Variants in HEMK2 observed in about 807,000 individuals in gnomAD.
HEMK2 encodes the protein methyltransferase HEMK2.
At chr21:28,599,570 AG>A in the HEMK2 span, among the ~76,000 whole-genome samples, 1 of 152,160 alleles carries the variant, frequency 6.6e-6, no homozygotes, top group African/African-American at 2.4e-5. Context: ...GGGGACTCAG[AG>A]CCAAACCATT....
At chr21:28,760,955 G>T in the HEMK2 span, among the ~76,000 whole-genome samples, 1 of 152,026 alleles carries the variant, frequency 6.6e-6, no homozygotes, top group East Asian at 1.9e-4. Context: ...TTTTGTCATA[G>T]ATCTATTCAT....
chr21:28,595,998 G>A, the HEMK2 span, among the ~76,000 whole-genome samples: 4 of 151,096 alleles, frequency 2.6e-5, no homozygotes, highest in South Asian at 2.1e-4. Flanking sequence ...GTTAGCCAAG[G>A]TGGTCTCGAT....
chr21:28,799,918 A>G, the HEMK2 span, among the ~76,000 whole-genome samples: 1 of 152,122 alleles, frequency 6.6e-6, no homozygotes, highest in Non-Finnish European at 1.5e-5. Context: ...TGATGAGAGG[A>G]CCCAGCTTCA....
At chr21:28,666,695 G>A in the HEMK2 span, among the ~76,000 whole-genome samples, 3 of 152,032 alleles carry the variant, frequency 2.0e-5, no homozygotes, top group African/African-American at 7.2e-5. Flanking sequence ...AAGGTAGAAG[G>A]GTAATAAATA....
chr21:28,878,256 C>T, the HEMK2 span: 2 of 1,606,600 alleles, frequency 1.2e-6, no homozygotes, highest in African/African-American at 1.3e-5. Context: ...GATCTGGAAC[C>T]AGGGGAAAAA....
At chr21:28,801,252 T>C in the HEMK2 span, among the ~76,000 whole-genome samples, 5 of 152,202 alleles carry the variant, frequency 3.3e-5, no homozygotes, top group Admixed American at 6.5e-5. Context: ...TGCTACTCAA[T>C]AAATGGTTTG....
At chr21:28,608,345 C>G in the HEMK2 span, among the ~76,000 whole-genome samples, 92 of 147,482 alleles carry the variant, frequency 6.2e-4, 1 homozygote, top group African/African-American at 2.3e-3. Flanking sequence ...TTCAAGTAAA[C>G]TAAAAACTCC....
the HEMK2 span, among the ~76,000 whole-genome samples, chr21:28,850,806 G>A: frequency 6.6e-6 from 1 of 152,152 alleles, no homozygotes; most frequent in East Asian, 1.9e-4. Flanking sequence ...ACTAAGGGGA[G>A]TTTATTAACC....
At chr21:28,852,356 G>A in the HEMK2 span, among the ~76,000 whole-genome samples, 7 of 152,078 alleles carry the variant, frequency 4.6e-5, no homozygotes, top group Non-Finnish European at 1.0e-4. Flanking sequence ...GATGAGTCCC[G>A]GGACACACTG....
At chr21:28,879,099 TTTA>T in the HEMK2 span, among the ~76,000 whole-genome samples, 18,792 of 89,276 alleles carry the variant, frequency 0.21, 1,263 homozygotes, top group South Asian at 0.35. Context: ...TTTTTTTTTT[TTTA>T]GAGACAGGGT....
the HEMK2 span, among the ~76,000 whole-genome samples, chr21:28,624,146 G>A: frequency 1.3e-5 from 2 of 152,154 alleles, no homozygotes; most frequent in African/African-American, 4.8e-5. Flanking sequence ...TGGAATGTAT[G>A]AGCCATTTTT....
the HEMK2 span, among the ~76,000 whole-genome samples, chr21:28,733,587 C>T: frequency 6.6e-6 from 1 of 152,176 alleles, no homozygotes; most frequent in African/African-American, 2.4e-5. Flanking sequence ...TTACATTTTG[C>T]TCTTCCTTTT....
At chr21:28,683,647 A>G in the HEMK2 span, among the ~76,000 whole-genome samples, 1 of 152,254 alleles carries the variant, frequency 6.6e-6, no homozygotes, top group Non-Finnish European at 1.5e-5. Context: ...AAAAAATTAC[A>G]TAAAACAAAT....
At chr21:28,587,803 A>C in the HEMK2 span, among the ~76,000 whole-genome samples, 1 of 152,222 alleles carries the variant, frequency 6.6e-6, no homozygotes, top group Non-Finnish European at 1.5e-5. Flanking sequence ...TTCTAAGCCC[A>C]AATAGATAAA....
chr21:28,693,247 T>C, the HEMK2 span, among the ~76,000 whole-genome samples: 2 of 152,136 alleles, frequency 1.3e-5, no homozygotes, highest in African/African-American at 4.8e-5. Flanking sequence ...TAAAGCTCTA[T>C]ACAGATGAGA....
the HEMK2 span, among the ~76,000 whole-genome samples, chr21:28,704,112 G>T: frequency 6.6e-6 from 1 of 152,130 alleles, no homozygotes; most frequent in African/African-American, 2.4e-5. Context: ...CAGTAGCTTG[G>T]AGGTCATGTT....
At chr21:28,601,804 T>A in the HEMK2 span, among the ~76,000 whole-genome samples, 2 of 152,102 alleles carry the variant, frequency 1.3e-5, no homozygotes, top group Non-Finnish European at 2.9e-5. Flanking sequence ...AATGAATGAG[T>A]GAATGAATGA....
At chr21:28,587,916 T>C in the HEMK2 span, among the ~76,000 whole-genome samples, 2 of 152,234 alleles carry the variant, frequency 1.3e-5, no homozygotes, top group East Asian at 3.8e-4. Context: ...TGCAGATATA[T>C]GCAGAGAGCA....
the HEMK2 span, among the ~76,000 whole-genome samples, chr21:28,721,511 A>G: frequency 6.6e-6 from 1 of 152,120 alleles, no homozygotes; most frequent in Non-Finnish European, 1.5e-5. Context: ...CCTTTTTTAA[A>G]TGTGGCCACT....
Sources: gnomAD v4.1 joint callset for allele counts (sites outside exome capture counted in the v4.1 genomes callset) on GRCh38, gnomAD v4.1.1 for gene constraint, MANE v1.5 for transcripts, NCBI Gene and HGNC (gene_info 2026-07-23, HGNC 2026-07-21) for gene names.